COG5: variants seen among roughly 807,000 people sequenced by gnomAD.
COG5 encodes the protein conserved oligomeric Golgi complex subunit 5.
A neutral mutation model predicts 110.4 loss-of-function variants in COG5; 86 were observed. That is an observed-to-expected ratio of 0.78 (90% CI 0.65 to 0.93). COG5 has a LOEUF of 0.93. COG5 is among the 40% of genes least tolerant of loss of function. The pLI is 0.00. For missense variants in COG5, 1,077 were observed against 987.0 expected (o/e 1.09, Z -1.22); for synonymous variants, 360 against 334.6 (o/e 1.08, Z -0.83).
At chr7:107,472,312 C>G (rs1283230545) in intron 6 of COG5, 1 of 151,832 alleles carries the variant, frequency 6.6e-6, no homozygotes, top group East Asian at 1.9e-4. Context: ...GGTAAAAATT[C>G]ATGTCAAAAT....
intron 3 of COG5, among the ~76,000 whole-genome samples, chr7:107,549,485 G>A (rs920865561): frequency 4.6e-5 from 7 of 151,978 alleles, no homozygotes; most frequent in Admixed American, 3.3e-4. Context: ...TCCGCCTCCC[G>A]GGTTCACGCC....
At chr7:107,490,659 A>G (rs1797923252) in intron 6 of COG5, among the ~76,000 whole-genome samples, 1 of 152,146 alleles carries the variant, frequency 6.6e-6, no homozygotes, top group African/African-American at 2.4e-5. Context: ...GTCAAAGGAA[A>G]TCTACTCTGG....
chr7:107,388,442 A>AACAT (rs1790362616), intron 7 of COG5, among the ~76,000 whole-genome samples: 2 of 152,212 alleles, frequency 1.3e-5, no homozygotes, highest in African/African-American at 4.8e-5. Flanking sequence ...TTTGTCACTC[A>AACAT]TGGCACATCG....
Position 107,202,665 on chromosome 7 carries a change from G to A in COG5, c.*851C>T, listed in dbSNP as rs555207671. On this transcript the variant is annotated 3_prime_UTR_variant, in exon 22 of 22. Transcript: ENST00000297135. ...ACTGCTAATTAGGAGGCTGCTGATAGGATTTTAAAAATTAAAAACAATGTT... is the reference window on the plus strand; with the variant it reads ...ACTGCTAATTAGGAGGCTGCTGATAAGATTTTAAAAATTAAAAACAATGTT... 6.6e-6 allele frequency: 1 copy of A among 152,112 alleles called. No individual in the cohort carries two copies. The highest frequency in any genetic ancestry group is 6.5e-5 in the Admixed American group (1 of 15,274). The allele number at this position is 152,112 out of a possible 1,614,324, so 9.4% of individuals were successfully genotyped here.
Position 107,470,465 on chromosome 7 carries a change from T to C in COG5, c.538+56772A>G, listed in dbSNP as rs183622844. On this transcript the variant is annotated intron_variant, in intron 6 of 21. Transcript: ENST00000297135. Reference sequence around the variant, plus strand: ...GCAGAGGTAAGATTTGTTCCTATTATAGTATACAGCTGCTTTTGAACCGGC... The same window carrying C: ...GCAGAGGTAAGATTTGTTCCTATTACAGTATACAGCTGCTTTTGAACCGGC... The C allele has an allele frequency of 7.6e-4, 115 of 152,300 alleles. 2 individuals carry two copies. Among genetic ancestry groups the C allele is most frequent in the Admixed American group, 6.8e-3 (104 of 15,270 alleles). The allele number at this position is 152,300 out of a possible 1,614,324, so 9.4% of individuals were successfully genotyped here.
At chr7:107,306,126 T>C (rs1380460940) in intron 11 of COG5, among the ~76,000 whole-genome samples, 2 of 152,166 alleles carry the variant, frequency 1.3e-5, no homozygotes, top group Non-Finnish European at 2.9e-5. Context: ...ACTTATATAC[T>C]GTAAAGTATA....
intron 17 of COG5, among the ~76,000 whole-genome samples, chr7:107,242,812 T>G (rs761424724): frequency 2.6e-5 from 4 of 152,240 alleles, no homozygotes; most frequent in Non-Finnish European, 4.4e-5. Context: ...CTGGGCTGAC[T>G]GCAGTGAGTG....
At chr7:107,394,447 G>C (rs1408941455) in intron 7 of COG5, among the ~76,000 whole-genome samples, 1 of 151,946 alleles carries the variant, frequency 6.6e-6, no homozygotes, top group East Asian at 1.9e-4. Context: ...GCATTACATG[G>C]GAGGAAAATA....
chr7:107,286,014 T>C (rs1805596152), intron 12 of COG5, among the ~76,000 whole-genome samples: 1 of 152,182 alleles, frequency 6.6e-6, no homozygotes, highest in Non-Finnish European at 1.5e-5. Context: ...TAGAGAATAA[T>C]GCTTAAGTCT....
At chr7:107,317,901 T>C (rs1160667668) in intron 11 of COG5, among the ~76,000 whole-genome samples, 2 of 152,236 alleles carry the variant, frequency 1.3e-5, no homozygotes, top group Non-Finnish European at 2.9e-5. Flanking sequence ...GTTTCTGTGA[T>C]TTCCTTAGTT....
chr7:107,229,099 T>C (rs548784359), intron 19 of COG5, among the ~76,000 whole-genome samples: 214 of 152,210 alleles, frequency 1.4e-3, no homozygotes, highest in Non-Finnish European at 1.3e-3. Context: ...TATGCTGTGG[T>C]CACAAAATAT....
intron 12 of COG5, among the ~76,000 whole-genome samples, chr7:107,290,295 C>A (rs1806054592): frequency 1.3e-5 from 2 of 152,172 alleles, no homozygotes; most frequent in African/African-American, 2.4e-5. Flanking sequence ...GTCCTCAAAA[C>A]CCTCTTTGGA....
chr7:107,445,362 A>G (rs1020017132), intron 6 of COG5, among the ~76,000 whole-genome samples: 2 of 152,210 alleles, frequency 1.3e-5, no homozygotes, highest in Non-Finnish European at 2.9e-5. Flanking sequence ...ATCCTCAACT[A>G]AAATATTCCT....
chr7:107,404,364 A>G (rs1791657248), intron 7 of COG5, among the ~76,000 whole-genome samples: 1 of 152,224 alleles, frequency 6.6e-6, no homozygotes. Context: ...GTGCGTAATC[A>G]TTCATGAATG....
At chr7:107,413,057 G>A (rs1251819712) in intron 6 of COG5, among the ~76,000 whole-genome samples, 1 of 151,946 alleles carries the variant, frequency 6.6e-6, no homozygotes, top group Non-Finnish European at 1.5e-5. Context: ...TCAGGCTGGA[G>A]TGTAGTGGCT....
chr7:107,551,706 C>T (rs1802900403), intron 3 of COG5, among the ~76,000 whole-genome samples: 1 of 152,178 alleles, frequency 6.6e-6, no homozygotes, highest in Admixed American at 6.5e-5. Flanking sequence ...CAGCCTCAAC[C>T]TCCTTGGCTC....
intron 2 of COG5, 80 bp from the exon 3 acceptor site, chr7:107,554,422 CTCTT>C (rs1803148690): frequency 8.8e-6 from 11 of 1,251,750 alleles, no homozygotes; most frequent in Middle Eastern, 1.8e-4. Flanking sequence ...TGGACAGTCT[CTCTT>C]GGTGTAGAAA....
At chr7:107,391,710 T>C (rs1283442356) in intron 7 of COG5, among the ~76,000 whole-genome samples, 2 of 152,222 alleles carry the variant, frequency 1.3e-5, no homozygotes, top group Non-Finnish European at 2.9e-5. Flanking sequence ...GGGAGGAATC[T>C]GCATTTTTTC....
At chr7:107,334,199 C>T (rs534680277) in intron 10 of COG5, among the ~76,000 whole-genome samples, 25 of 152,206 alleles carry the variant, frequency 1.6e-4, no homozygotes, top group Admixed American at 4.6e-4. Context: ...TATATCCACA[C>T]TATAGAATAC....
Sources: allele counts gnomAD v4.1 joint callset (sites outside exome capture counted in the v4.1 genomes callset), GRCh38; gene constraint gnomAD v4.1.1; transcripts MANE v1.5; gene names NCBI Gene and HGNC (gene_info 2026-07-23, HGNC 2026-07-21).